Variants in LINC00632 observed in about 807,000 individuals in gnomAD.
LINC00632 encodes the protein long independently transcribed non-coding RNA 632.
At chrX:140,718,011 C>G (rs1214477020) in intron 2 of LINC00632, among the ~76,000 whole-genome samples, 4 of 110,153 alleles carry the variant, frequency 3.6e-5, no homozygotes, top group Non-Finnish European at 7.6e-5. Flanking sequence ...TGGCACACAC[C>G]TGTAATCCCA....
At chrX:140,756,147 C>A (rs936999780) in intron 3 of LINC00632, among the ~76,000 whole-genome samples, 3 of 111,848 alleles carry the variant, frequency 2.7e-5, no homozygotes, top group African/African-American at 9.7e-5. Flanking sequence ...AGAGACATTA[C>A]ATGGAGCCAT....
intron 3 of LINC00632, among the ~76,000 whole-genome samples, chrX:140,736,140 TATG>T (rs1047195877): frequency 2.4e-4 from 27 of 111,294 alleles, no homozygotes; most frequent in African/African-American, 8.5e-4. Context: ...TTAAAATAAA[TATG>T]AGGCTTTTAT....
At chrX:140,734,150 G>T (rs756076586) in intron 3 of LINC00632, among the ~76,000 whole-genome samples, 1 of 111,525 alleles carries the variant, frequency 9.0e-6, no homozygotes. Flanking sequence ...TCCCCCTGCC[G>T]TCCCAAATTT....
chrX:140,726,861 A>T (rs912948100), intron 2 of LINC00632, among the ~76,000 whole-genome samples: 1 of 111,615 alleles, frequency 9.0e-6, no homozygotes, highest in East Asian at 2.8e-4. Context: ...GATACACAAC[A>T]TCTGCTCACA....
chrX:140,734,811 G>A (rs1443421517), intron 3 of LINC00632, among the ~76,000 whole-genome samples: 1 of 102,806 alleles, frequency 9.7e-6, no homozygotes, highest in Non-Finnish European at 2.0e-5. Flanking sequence ...ACCAAGGCTG[G>A]AGTGCAGTGG....
At chrX:140,728,058 T>C (rs1930992422) in intron 2 of LINC00632, among the ~76,000 whole-genome samples, 1 of 110,298 alleles carries the variant, frequency 9.1e-6, no homozygotes, top group Admixed American at 9.7e-5. Context: ...CTGACCAACA[T>C]GGGGAAACCC....
chrX:140,776,320 C>A (rs886652860), exon 5 of LINC00632, among the ~76,000 whole-genome samples: 11 of 112,778 alleles, frequency 9.8e-5, no homozygotes, highest in Admixed American at 9.3e-4. Context: ...ATAACACGTT[C>A]GTGAAGAACC....
At chrX:140,781,340 A>G (rs1401236916) in exon 5 of LINC00632, among the ~76,000 whole-genome samples, 1 of 110,979 alleles carries the variant, frequency 9.0e-6, no homozygotes, top group African/African-American at 3.3e-5. Flanking sequence ...TCCCCTCCAT[A>G]TATGTCCAGT....
At chrX:140,754,384 T>C (rs926149224) in intron 3 of LINC00632, among the ~76,000 whole-genome samples, 2 of 111,647 alleles carry the variant, frequency 1.8e-5, no homozygotes, top group Admixed American at 1.9e-4. Flanking sequence ...TACATCCAAA[T>C]TGGACAGCTA....
exon 5 of LINC00632, among the ~76,000 whole-genome samples, chrX:140,788,411 A>C (rs1469574221): frequency 9.0e-6 from 1 of 110,652 alleles, no homozygotes; most frequent in Non-Finnish European, 1.9e-5. Context: ...AAGGATTATT[A>C]ATCCCTTTCT....
intron 3 of LINC00632, among the ~76,000 whole-genome samples, chrX:140,762,234 A>AGGGG (rs374632602): frequency 9.3e-4 from 99 of 105,903 alleles, no homozygotes; most frequent in Admixed American, 2.6e-3. Flanking sequence ...AGAGAGAGAG[A>AGGGG]GAGAGAGAGC....
intron 3 of LINC00632, among the ~76,000 whole-genome samples, chrX:140,751,085 ATGTC>A (rs1291391128): frequency 9.0e-6 from 1 of 111,533 alleles, no homozygotes; most frequent in Non-Finnish European, 1.9e-5. Flanking sequence ...ATTAATATAA[ATGTC>A]TGTGCATGTG....
exon 5 of LINC00632, among the ~76,000 whole-genome samples, chrX:140,779,267 G>A (rs1300508043): frequency 1.8e-5 from 2 of 111,230 alleles, no homozygotes; most frequent in Non-Finnish European, 3.8e-5. Context: ...AAAAAAAGGA[G>A]GGGTGGGGAG....
At chrX:140,718,678 T>C (rs1482917619) in intron 2 of LINC00632, among the ~76,000 whole-genome samples, 1 of 111,700 alleles carries the variant, frequency 9.0e-6, no homozygotes, top group Non-Finnish European at 1.9e-5. Flanking sequence ...CCCAAAGTGC[T>C]GGGATTACAG....
chrX:140,736,639 G>A (rs1290116591), intron 3 of LINC00632, among the ~76,000 whole-genome samples: 1 of 107,827 alleles, frequency 9.3e-6, no homozygotes, highest in Non-Finnish European at 1.9e-5. Context: ...GTTTCACCAT[G>A]TTGGCCAGGA....
At chrX:140,763,850 A>G (rs1301188280) in intron 3 of LINC00632, among the ~76,000 whole-genome samples, 1 of 112,034 alleles carries the variant, frequency 8.9e-6, no homozygotes, top group Non-Finnish European at 1.9e-5. Flanking sequence ...TCTCAGAGTA[A>G]CCTGTGGACA....
At chrX:140,723,827 GCA>G (rs1329087464) in intron 2 of LINC00632, among the ~76,000 whole-genome samples, 27 of 1,912 alleles carry the variant, frequency 0.014, no homozygotes, top group African/African-American at 0.031. Context: ...CACATTCCAT[GCA>G]CACACACACA....
chrX:140,739,729 T>C (rs1931196861), intron 3 of LINC00632, among the ~76,000 whole-genome samples: 1 of 110,441 alleles, frequency 9.1e-6, no homozygotes, highest in Non-Finnish European at 1.9e-5. Flanking sequence ...AAACAGACAA[T>C]GTCTACCCCT....
chrX:140,780,856 GC>G (rs1931923955), exon 5 of LINC00632, among the ~76,000 whole-genome samples: 1 of 110,687 alleles, frequency 9.0e-6, no homozygotes. Flanking sequence ...CTTAATTCTA[GC>G]CCCCACTACC....
Sources: gnomAD v4.1 joint callset for allele counts (sites outside exome capture counted in the v4.1 genomes callset) on GRCh38, gnomAD v4.1.1 for gene constraint, MANE v1.5 for transcripts, NCBI Gene and HGNC (gene_info 2026-07-23, HGNC 2026-07-21) for gene names.